SLC16A10: variants seen among roughly 807,000 people sequenced by gnomAD.
The protein encoded by SLC16A10 is monocarboxylate transporter 10.
In SLC16A10, 27 loss-of-function variants were observed where a neutral mutation model predicts 40.0. That is an observed-to-expected ratio of 0.67 (90% CI 0.50 to 0.93). SLC16A10 has a LOEUF of 0.93. SLC16A10 is among the 40% of genes least tolerant of loss of function. SLC16A10 has a pLI of 0.00. For missense variants in SLC16A10, 529 were observed against 658.2 expected, an observed-to-expected ratio of 0.80 and a Z score of 2.15; for synonymous variants, 213 against 249.8, an observed-to-expected ratio of 0.85 and a Z score of 1.39.
chr6:111,204,792 A>C (rs2114581676), intron 3 of SLC16A10, among the ~76,000 whole-genome samples: 1 of 152,336 alleles, frequency 6.6e-6, no homozygotes, highest in South Asian at 2.1e-4. Context: ...TTTTAAACTA[A>C]AGGGCTCCTA....
intron 4 of SLC16A10, among the ~76,000 whole-genome samples, chr6:111,213,930 T>C (rs1773382851): frequency 2.0e-5 from 3 of 152,326 alleles, no homozygotes; most frequent in South Asian, 4.1e-4. Flanking sequence ...GGCTAAACTT[T>C]AGGAACGTCA....
At chr6:111,101,017 T>A (rs867598881) in intron 1 of SLC16A10, among the ~76,000 whole-genome samples, 45 of 114,136 alleles carry the variant, frequency 3.9e-4, no homozygotes, top group South Asian at 7.8e-4. Context: ...TATATATATA[T>A]AAATATATGT....
Position 111,087,709 on chromosome 6 carries a change from C to G in SLC16A10, c.-44C>G. 1 of 1,088,912 alleles carries G rather than the reference C, an allele frequency of 9.2e-7. No homozygotes were observed. The highest frequency in any genetic ancestry group is 1.2e-6 in the Non-Finnish European group (1 of 866,466). 67.5% of individuals were successfully genotyped at this position (1,088,912 alleles called of 1,614,324 possible). A position where few individuals can be genotyped will look rare whatever the true frequency, so the allele number is the denominator to read the frequency against. ...CCTCCGGGAGCCCGCTGGTAACTCG[C>G]GTCCCTCGCGCTTCTCCGGCGCCTG... On this transcript the variant is annotated 5_prime_UTR_variant, in exon 1 of 6. Transcript: ENST00000368851.
Position 111,230,672 on chromosome 6 carries a change from G to A in SLC16A10, c.*8437G>A, listed in dbSNP as rs1434422411. ...AGTTTATTTTAGCCTTAAAGTTATA[G>A]CTACAACAAATTGAACCCTGTAGTT... On this transcript the variant is annotated 3_prime_UTR_variant, in exon 6 of 6. Transcript: ENST00000368851. The A allele has an allele frequency of 6.6e-6, 1 of 152,188 alleles. No individual in the cohort carries two copies. The highest frequency in any genetic ancestry group is 2.4e-5 in the African/African-American group (1 of 41,446). The allele number at this position is 152,188 out of a possible 1,614,324, so 9.4% of individuals were successfully genotyped here.
intron 4 of SLC16A10, among the ~76,000 whole-genome samples, chr6:111,215,400 A>T (rs1198862714): frequency 7.2e-6 from 1 of 139,004 alleles, no homozygotes; most frequent in Non-Finnish European, 1.6e-5. Context: ...TTTGTTGGCA[A>T]GTGGTACTGG....
At chr6:111,188,073 G>A (rs1030314357) in intron 3 of SLC16A10, among the ~76,000 whole-genome samples, 4 of 152,208 alleles carry the variant, frequency 2.6e-5, no homozygotes, top group African/African-American at 9.6e-5. Flanking sequence ...CCTGGTGGAT[G>A]ATGGTTACAG....
chr6:111,200,636 G>C (rs1396052400), intron 3 of SLC16A10, among the ~76,000 whole-genome samples: 1 of 152,156 alleles, frequency 6.6e-6, no homozygotes, highest in Non-Finnish European at 1.5e-5. Flanking sequence ...GAAGATTTCT[G>C]TTCATCCTAC....
chr6:111,137,622 G>T (rs116820564), intron 1 of SLC16A10, among the ~76,000 whole-genome samples: 2,731 of 152,282 alleles, frequency 0.018, 78 homozygotes, highest in African/African-American at 0.061. Flanking sequence ...GATATCAAAG[G>T]CACCCCTCCC....
intron 1 of SLC16A10, among the ~76,000 whole-genome samples, chr6:111,154,669 C>T (rs1023367608): frequency 6.6e-6 from 1 of 152,114 alleles, no homozygotes; most frequent in Non-Finnish European, 1.5e-5. Flanking sequence ...TTAAGCATCT[C>T]TTGATGAAAG....
intron 3 of SLC16A10, among the ~76,000 whole-genome samples, chr6:111,181,172 G>A (rs984077723): frequency 2.0e-5 from 3 of 148,342 alleles, no homozygotes; most frequent in Non-Finnish European, 4.4e-5. Context: ...CTGAGACCGC[G>A]CCATTGCACT....
Position 111,087,884 on chromosome 6 carries a change from G to A in SLC16A10, c.132G>A (p.Glu44=), listed in dbSNP as rs771726227. ...CGGACAGCCCCGAGGCGGCTGTCGA[G>A]AAGGTGGAGGTGGAGCTGGCGGGGC... ...GPSDSPEAAV[E]KVEVELAGPA... is the part of the protein sequence containing the mutation. The change falls in exon 1 of 6, where the codon GAG becomes GAA. Residue 44 remains glutamate, a synonymous_variant. Coordinates refer to ENST00000368851, the MANE Select transcript of SLC16A10 (RefSeq NM_018593.5). 3 of 1,546,516 alleles carry A rather than the reference G, an allele frequency of 1.9e-6. No homozygotes were observed. Among genetic ancestry groups the A allele is most frequent in the African/African-American group, 1.4e-5 (1 of 71,540 alleles).
At position 111,087,980 on chromosome 6, in the gene SLC16A10, G is replaced by C. The variant is rs746205682; in HGVS notation, c.228G>C (p.Ala76=). ...EGGWGWLVML[A]AMWCNGSVFG... is the part of the protein sequence containing the mutation. ...GCTGGGGCTGGCTGGTGATGCTGGC[G>C]GCCATGTGGTGCAACGGGTCGGTGT... is the stretch of plus-strand genomic sequence containing the variant. Residue 76 remains alanine, a synonymous_variant, in exon 1 of 6, where the codon GCG becomes GCC. Coordinates refer to ENST00000368851, the MANE Select transcript of SLC16A10 (RefSeq NM_018593.5). 6.2e-7 allele frequency: 1 copy of C among 1,611,286 alleles called. No individual in the cohort carries two copies. The highest frequency in any genetic ancestry group is 2.2e-5 in the East Asian group (1 of 44,734).
Position 111,218,889 on chromosome 6 carries a change from G to C in SLC16A10, c.1162G>C (p.Val388Leu). Residue 388 changes from valine (V) to leucine (L), a missense_variant, in exon 5 of 6, where the codon GTG becomes CTG. Coordinates refer to ENST00000368851, the MANE Select transcript of SLC16A10 (RefSeq NM_018593.5). ...TAGCATCTTTGGGGCCCTCATTGCT[G>C]TGTGCCTCATCATGGGTCTCTTCGA... is the stretch of plus-strand genomic sequence containing the variant. ...LCSIFGALIA[V>L]CLIMGLFDGC... 1 of 1,614,004 alleles carries C rather than the reference G, an allele frequency of 6.2e-7. No homozygotes were observed. The highest frequency in any genetic ancestry group is 8.5e-7 in the Non-Finnish European group (1 of 1,180,010).
intron 3 of SLC16A10, among the ~76,000 whole-genome samples, chr6:111,200,441 AGTTT>A (rs1359684869): frequency 6.6e-6 from 1 of 152,122 alleles, no homozygotes; most frequent in Non-Finnish European, 1.5e-5. Flanking sequence ...AAGTCTATGG[AGTTT>A]GTTTTCTTCC....
chr6:111,130,264 A>G (rs12202418), intron 1 of SLC16A10, among the ~76,000 whole-genome samples: 15,443 of 152,258 alleles, frequency 0.1, 1,031 homozygotes, highest in Middle Eastern at 0.17. Flanking sequence ...TGGAGTCAAC[A>G]CAATATTTCT....
At chr6:111,174,579 T>C (rs1279310109) in intron 2 of SLC16A10, among the ~76,000 whole-genome samples, 7 of 152,340 alleles carry the variant, frequency 4.6e-5, no homozygotes, top group East Asian at 3.9e-4. Flanking sequence ...AATAAGATTC[T>C]TGTAGGTAAT....
At chr6:111,191,569 G>A (rs1392907108) in intron 3 of SLC16A10, among the ~76,000 whole-genome samples, 3 of 152,094 alleles carry the variant, frequency 2.0e-5, no homozygotes, top group African/African-American at 7.2e-5. Flanking sequence ...GGTATTTCTG[G>A]TTCAAGTTCC....
chr6:111,183,038 T>C (rs1052697724), intron 3 of SLC16A10, among the ~76,000 whole-genome samples: 6 of 152,216 alleles, frequency 3.9e-5, no homozygotes. Flanking sequence ...ACAGGCATTC[T>C]TTCTAAACAT....
chr6:111,222,438 G>A lies in SLC16A10; in HGVS notation c.*203G>A. 3.9e-6 allele frequency: 2 copies of A among 508,246 alleles called. No homozygotes were observed. Among genetic ancestry groups the A allele is most frequent in the South Asian group, 5.9e-5 (2 of 33,908 alleles). 31.5% of individuals were successfully genotyped at this position (508,246 alleles called of 1,614,324 possible). A position where few individuals can be genotyped will look rare whatever the true frequency, so the allele number is the denominator to read the frequency against. ...ATGTTTCCATGAGTCTGAGGGCAGAGACTCTGGTATATGAAAACGTCTGAA... is the reference window on the plus strand; with the variant it reads ...ATGTTTCCATGAGTCTGAGGGCAGAAACTCTGGTATATGAAAACGTCTGAA... On this transcript the variant is annotated 3_prime_UTR_variant, in exon 6 of 6. Coordinates refer to ENST00000368851, the MANE Select transcript of SLC16A10 (RefSeq NM_018593.5).
Sources: gnomAD v4.1 joint callset for allele counts (sites outside exome capture counted in the v4.1 genomes callset) on GRCh38, gnomAD v4.1.1 for gene constraint, MANE v1.5 for transcripts, NCBI Gene and HGNC (gene_info 2026-07-23, HGNC 2026-07-21) for gene names.